The following RRAGB variants were observed in gnomAD, a reference collection of about 807,000 sequenced individuals.
The protein encoded by RRAGB is Ras related GTP binding B.
Under a neutral mutation model 29.3 loss-of-function variants are expected in RRAGB, and 6 were observed. That is an observed-to-expected ratio of 0.21 (90% CI 0.11 to 0.40). The LOEUF is 0.40. Among genes scored for constraint, RRAGB ranks in the 10% least tolerant of loss-of-function variants. The probability of loss-of-function intolerance (pLI) is 1.00; values close to 1 mark genes in which losing one functional copy is unlikely to be tolerated. For synonymous variants in RRAGB, 101 were observed against 92.5 expected, an observed-to-expected ratio of 1.09 and a Z score of -0.53; for missense variants, 184 against 272.9, an observed-to-expected ratio of 0.67 and a Z score of 2.29.
intron 8 of RRAGB, 102 bp from the exon 9 acceptor site, chrX:55,757,114 A>G: frequency 2.7e-6 from 1 of 369,440 alleles, no homozygotes; most frequent in Non-Finnish European, 4.9e-6. Context: ...GAATTGAGGT[A>G]TAGTGCTATA....
chrX:55,736,347 C>T (rs967538434), intron 5 of RRAGB, among the ~76,000 whole-genome samples: 1 of 111,946 alleles, frequency 8.9e-6, no homozygotes, highest in African/African-American at 3.2e-5. Flanking sequence ...AATTTGAAAG[C>T]CTTGTCTTCA....
intron 6 of RRAGB, chrX:55,752,272 C>A: frequency 1.7e-5 from 13 of 752,271 alleles, no homozygotes; most frequent in Non-Finnish European, 2.0e-5. Flanking sequence ...ATGGACATGA[C>A]GCACTGATAA....
At chrX:55,752,434 G>A in intron 6 of RRAGB, 1 of 628,483 alleles carries the variant, frequency 1.6e-6, no homozygotes. Context: ...CACCGACCTG[G>A]GAACTTGGAA....
At chrX:55,748,705 C>G (rs2034359935) in intron 5 of RRAGB, among the ~76,000 whole-genome samples, 1 of 111,749 alleles carries the variant, frequency 8.9e-6, no homozygotes, top group Non-Finnish European at 1.9e-5. Context: ...AGGAGCGTCT[C>G]CGCCCGGCAG....
intron 5 of RRAGB, among the ~76,000 whole-genome samples, chrX:55,744,344 C>T (rs911744494): frequency 5.2e-5 from 5 of 95,727 alleles, no homozygotes; most frequent in South Asian, 5.5e-4. Flanking sequence ...TGCAGTGAGC[C>T]GAGACTGCGC....
intron 3 of RRAGB, chrX:55,727,299 T>C (rs370541653): frequency 8.6e-7 from 1 of 1,166,305 alleles, no homozygotes. Flanking sequence ...CTTTCCATTT[T>C]TTTTTAGTAC....
At chrX:55,722,145 T>G (rs374422273) in intron 2 of RRAGB, 41 bp from the exon 3 acceptor site, 166 of 854,982 alleles carry the variant, frequency 1.9e-4, no homozygotes, top group Non-Finnish European at 2.4e-4. Context: ...TGCTCTAGAT[T>G]GCTAACTTTT....
chrX:55,756,987 T>A (rs2034673523), intron 8 of RRAGB, among the ~76,000 whole-genome samples: 1 of 112,074 alleles, frequency 8.9e-6, no homozygotes, highest in African/African-American at 3.2e-5. Context: ...TAAAAAATTT[T>A]AAAAGTCAAG....
In RRAGB at chrX:55,747,707, C is replaced by G. The variant is rs190970148; in HGVS notation, c.517-3394C>G. Among the ~76,000 whole-genome samples, 382 of 111,790 alleles carry G rather than the reference C, an allele frequency of 3.4e-3. 3 individuals are homozygous for G. The highest frequency in any genetic ancestry group is 0.012 in the African/African-American group (369 of 30,821). ...CACATCACACTATAGATTATCAGTA[C>G]TGTCTTTTCTACTGGAAAGTGAGTC... On this transcript the variant is annotated intron_variant, in intron 5 of 9. Coordinates refer to ENST00000374941, the MANE Select transcript of RRAGB (RefSeq NM_006064.5).
chrX:55,718,610 AC>A (rs1368031042), intron 1 of RRAGB, among the ~76,000 whole-genome samples, 191 bp downstream of exon 1: 4 of 111,796 alleles, frequency 3.6e-5, no homozygotes, highest in African/African-American at 1.3e-4. Context: ...ATCAGAAACA[AC>A]CCTTGGGAAG....
intron 5 of RRAGB, among the ~76,000 whole-genome samples, chrX:55,744,801 G>A (rs1243993417): frequency 8.9e-6 from 1 of 112,258 alleles, no homozygotes; most frequent in Non-Finnish European, 1.9e-5. Context: ...CATTGGATAT[G>A]CTGGATCATA....
At chrX:55,719,920 A>C (rs184855797) in intron 2 of RRAGB, among the ~76,000 whole-genome samples, 1 of 112,333 alleles carries the variant, frequency 8.9e-6, no homozygotes, top group African/African-American at 3.2e-5. Flanking sequence ...TTGGGGCTTC[A>C]GTTTCCTCAT....
chrX:55,729,884 T>C (rs2033617759), intron 4 of RRAGB, among the ~76,000 whole-genome samples: 1 of 112,426 alleles, frequency 8.9e-6, no homozygotes, highest in African/African-American at 3.2e-5. Flanking sequence ...GGATGTATGC[T>C]GGCTATGGTG....
chrX:55,736,890 C>T (rs73505413), intron 5 of RRAGB, among the ~76,000 whole-genome samples: 36,571 of 111,110 alleles, frequency 0.33, 4,655 homozygotes, highest in Middle Eastern at 0.48. Context: ...CTCATTTCCC[C>T]GTGGTGTATA....
Position 55,748,998 on chromosome X carries a change from C to T in RRAGB, c.517-2103C>T, listed in dbSNP as rs769437199. The stretch of plus-strand genomic sequence containing the variant: ...CCCCCGCCCGGCCGGCCGCCCCATC[C>T]GGGAGGGAGGTGGGGGGGTCAGCCT... On this transcript the variant is annotated intron_variant, in intron 5 of 9. Coordinates refer to ENST00000374941, the MANE Select transcript of RRAGB (RefSeq NM_006064.5). 4.4e-4 allele frequency among the ~76,000 whole-genome samples: 40 copies of T among 90,415 alleles called. No homozygotes were observed. The South Asian group carries it at 0.022, about 50-fold the overall frequency. 78.5% of individuals were successfully genotyped at this position (90,415 alleles called of 115,157 possible). A position where few individuals can be genotyped will look rare whatever the true frequency, so the allele number is the denominator to read the frequency against.
intron 3 of RRAGB, chrX:55,727,340 G>A: frequency 9.9e-7 from 1 of 1,013,480 alleles, no homozygotes; most frequent in Non-Finnish European, 1.4e-6. Context: ...CAAATTAATA[G>A]CAGTTTGAGC....
At chrX:55,742,911 T>C (rs1246194321) in intron 5 of RRAGB, among the ~76,000 whole-genome samples, 1 of 111,900 alleles carries the variant, frequency 8.9e-6, no homozygotes, top group African/African-American at 3.2e-5. Context: ...AAATGGGTCT[T>C]CAAAAGGCCA....
intron 1 of RRAGB, among the ~76,000 whole-genome samples, chrX:55,718,756 C>T (rs747387123): frequency 2.7e-5 from 3 of 111,345 alleles, no homozygotes; most frequent in Non-Finnish European, 5.6e-5. Context: ...ATTTGCATTT[C>T]CAGGTCAGAG....
intron 5 of RRAGB, among the ~76,000 whole-genome samples, chrX:55,733,518 G>A (rs751618226): frequency 9.0e-6 from 1 of 111,540 alleles, no homozygotes; most frequent in East Asian, 2.8e-4. Context: ...ATAAAGGGAT[G>A]CTGGGTTTTA....
Sources: gnomAD v4.1 joint callset for allele counts (sites outside exome capture counted in the v4.1 genomes callset) on GRCh38, gnomAD v4.1.1 for gene constraint, MANE v1.5 for transcripts, NCBI Gene and HGNC (gene_info 2026-07-23, HGNC 2026-07-21) for gene names.